The following SLA variants were observed in gnomAD, a reference collection of about 807,000 sequenced individuals.
The protein encoded by SLA is Src like adaptor, also known as src-like-adapter.
Under a neutral mutation model 30.3 loss-of-function variants are expected in SLA, and 16 were observed. The observed-to-expected ratio is 0.53, with a 90% confidence interval of 0.36 to 0.80. SLA has a LOEUF of 0.80. Ranked by LOEUF, SLA falls within the 30% of genes least tolerant of loss-of-function variation. SLA has a pLI of 0.01. For missense variants in SLA, 310 were observed against 345.2 expected (o/e 0.90, Z 0.81); for synonymous variants, 143 against 137.8 (o/e 1.04, Z -0.26).
At chr8:133,076,420 G>C (rs1844869348) in intron 1 of SLA, among the ~76,000 whole-genome samples, 1 of 152,234 alleles carries the variant, frequency 6.6e-6, no homozygotes, top group Admixed American at 6.5e-5. Flanking sequence ...CTCTGCACTA[G>C]AGAGATGGTT....
chr8:133,041,141 G>C (rs1008749721), intron 7 of SLA, among the ~76,000 whole-genome samples: 3 of 152,200 alleles, frequency 2.0e-5, no homozygotes, highest in South Asian at 2.1e-4. Context: ...CTGTGCCCTG[G>C]GGGGAGATGA....
At chr8:133,064,731 G>T (rs1842826425) in intron 2 of SLA, among the ~76,000 whole-genome samples, 1 of 152,226 alleles carries the variant, frequency 6.6e-6, no homozygotes, top group South Asian at 2.1e-4. Context: ...GCAGATCTGG[G>T]TCCTTTCATT....
chr8:133,080,267 A>G (rs1289078183), intron 1 of SLA, among the ~76,000 whole-genome samples: 1 of 152,174 alleles, frequency 6.6e-6, no homozygotes, highest in African/African-American at 2.4e-5. Context: ...GGGAAATGCA[A>G]CTTGGCCTTT....
At chr8:133,074,233 G>C (rs770173744) in intron 2 of SLA, among the ~76,000 whole-genome samples, 2 of 152,098 alleles carry the variant, frequency 1.3e-5, no homozygotes, top group Non-Finnish European at 2.9e-5. Flanking sequence ...CACCTGCTCA[G>C]ATTGTTATTA....
chr8:133,039,494 C>T (rs1401814892), intron 8 of SLA, among the ~76,000 whole-genome samples: 2 of 152,146 alleles, frequency 1.3e-5, no homozygotes, highest in African/African-American at 4.8e-5. Flanking sequence ...ACCCACCAAT[C>T]CCAAACTACA....
intron 2 of SLA, among the ~76,000 whole-genome samples, chr8:133,066,536 T>G (rs559985200): frequency 6.6e-6 from 1 of 152,354 alleles, no homozygotes; most frequent in East Asian, 1.9e-4. Flanking sequence ...TATAAATTTC[T>G]TATTTACTTA....
chr8:133,040,637 C>A (rs1437073666), intron 7 of SLA, among the ~76,000 whole-genome samples: 1 of 151,448 alleles, frequency 6.6e-6, no homozygotes, highest in Non-Finnish European at 1.5e-5. Context: ...CTAAATAGAT[C>A]TCTAGGAAGA....
intron 1 of SLA, among the ~76,000 whole-genome samples, chr8:133,083,672 ATC>A: frequency 6.6e-6 from 1 of 152,154 alleles, no homozygotes; most frequent in Admixed American, 6.5e-5. Context: ...AAAGCCCATG[ATC>A]TCTCTATTTT....
At chr8:133,086,605 T>C (rs757380816) in intron 1 of SLA, among the ~76,000 whole-genome samples, 3 of 152,242 alleles carry the variant, frequency 2.0e-5, no homozygotes, top group Admixed American at 6.5e-5. Flanking sequence ...GAAATCATCA[T>C]GGATATGTGA....
intron 1 of SLA, among the ~76,000 whole-genome samples, chr8:133,083,130 A>G (rs1167105510): frequency 1.3e-5 from 2 of 152,168 alleles, no homozygotes; most frequent in Non-Finnish European, 2.9e-5. Context: ...GGAAAATTTT[A>G]TTTTTGTTTG....
At chr8:133,044,878 T>C in intron 7 of SLA, 106 bp downstream of exon 7, 3 of 1,085,932 alleles carry the variant, frequency 2.8e-6, no homozygotes, top group Non-Finnish European at 4.2e-6. Flanking sequence ...GAAGGCAGCA[T>C]AGGCAGTAAG....
At chr8:133,062,550 G>A (rs1842517185) in intron 2 of SLA, among the ~76,000 whole-genome samples, 1 of 152,268 alleles carries the variant, frequency 6.6e-6, no homozygotes, top group African/African-American at 2.4e-5. Context: ...TGCCTCCGAG[G>A]CCCGGGTCAG....
At chr8:133,064,480 G>A (rs2741205) in intron 2 of SLA, among the ~76,000 whole-genome samples, 37,741 of 152,116 alleles carry the variant, frequency 0.25, 5,583 homozygotes, top group East Asian at 0.55. Context: ...GTGAGATCAG[G>A]GGTTAGTCAC....
chr8:133,075,504 T>C (rs1434526236), intron 1 of SLA, among the ~76,000 whole-genome samples: 1 of 152,230 alleles, frequency 6.6e-6, no homozygotes, highest in African/African-American at 2.4e-5. Flanking sequence ...GAATATATAC[T>C]GCACAGTTGA....
intron 2 of SLA, among the ~76,000 whole-genome samples, chr8:133,065,516 C>T (rs902905555): frequency 1.3e-5 from 2 of 152,180 alleles, no homozygotes; most frequent in Non-Finnish European, 2.9e-5. Flanking sequence ...GATCCTAGCA[C>T]TTTGGGAAGC....
chr8:133,056,773 A>T (rs752149323), intron 3 of SLA, among the ~76,000 whole-genome samples: 28 of 152,172 alleles, frequency 1.8e-4, no homozygotes, highest in Non-Finnish European at 2.8e-4. Flanking sequence ...TTTACAAAGG[A>T]GGACAGAGAG....
At chr8:133,062,865 G>A (rs1052369531) in intron 2 of SLA, among the ~76,000 whole-genome samples, 2 of 152,140 alleles carry the variant, frequency 1.3e-5, no homozygotes, top group Non-Finnish European at 1.5e-5. Context: ...CAGGTCTCAG[G>A]AAGCATGTGT....
At chr8:133,096,197 C>G (rs778963384) in intron 1 of SLA, 2 of 1,614,094 alleles carry the variant, frequency 1.2e-6, no homozygotes, top group Non-Finnish European at 1.7e-6. Flanking sequence ...ATTGTTGCAT[C>G]CAATGCAGCT....
chr8:133,076,650 A>G (rs1844908746), intron 1 of SLA: 1 of 151,906 alleles, frequency 6.6e-6, no homozygotes, highest in African/African-American at 2.4e-5. Context: ...TTTAATAGAC[A>G]CTTACCAAGA....
Sources: allele counts gnomAD v4.1 joint callset (sites outside exome capture counted in the v4.1 genomes callset), GRCh38; gene constraint gnomAD v4.1.1; transcripts MANE v1.5; gene names NCBI Gene and HGNC (gene_info 2026-07-23, HGNC 2026-07-21).